The following CSMD1 variants were observed in gnomAD, a reference collection of about 807,000 sequenced individuals.
The protein encoded by CSMD1 is CUB and sushi domain-containing protein 1.
In CSMD1, 213 loss-of-function variants were observed where a neutral mutation model predicts 417.5. The ratio of observed to expected loss-of-function variants is 0.51; its 90% confidence interval spans 0.46 to 0.57. CSMD1 has a LOEUF of 0.57. Among genes scored for constraint, CSMD1 ranks in the 20% least tolerant of loss-of-function variants. CSMD1 has a pLI of 0.00. For missense variants in CSMD1, 6,923 were observed against 4,529.7 expected (o/e 1.53, Z -15.17); for synonymous variants, 2,862 against 1,736.8 (o/e 1.65, Z -16.11).
chr8:4,865,025 T>G (rs1261561933), intron 1 of CSMD1, among the ~76,000 whole-genome samples: 3 of 151,562 alleles, frequency 2.0e-5, no homozygotes, highest in Admixed American at 6.6e-5. Flanking sequence ...AAATTTTATT[T>G]TTGTGTTTGC....
At chr8:4,630,609 A>T (rs1184211644) in intron 2 of CSMD1, among the ~76,000 whole-genome samples, 2 of 152,224 alleles carry the variant, frequency 1.3e-5, no homozygotes, top group Non-Finnish European at 2.9e-5. Flanking sequence ...ATTACATTTT[A>T]TTTCATCATC....
At chr8:4,045,699 G>C (rs1373021380) in intron 3 of CSMD1, among the ~76,000 whole-genome samples, 1 of 152,194 alleles carries the variant, frequency 6.6e-6, no homozygotes, top group East Asian at 1.9e-4. Context: ...AGTCAAAGCA[G>C]TAACCATAAG....
intron 4 of CSMD1, among the ~76,000 whole-genome samples, chr8:4,021,706 C>A (rs1277235610): frequency 1.3e-5 from 2 of 152,100 alleles, no homozygotes; most frequent in Non-Finnish European, 2.9e-5. Context: ...CTATTTTTTT[C>A]TCTATGTATT....
chr8:4,990,835 ACT>A (rs1173088954), intron 1 of CSMD1, among the ~76,000 whole-genome samples: 1 of 151,976 alleles, frequency 6.6e-6, no homozygotes, highest in African/African-American at 2.4e-5. Flanking sequence ...TAATAAGGTA[ACT>A]CATCTAAAAC....
intron 7 of CSMD1, among the ~76,000 whole-genome samples, chr8:3,645,149 T>C (rs1797515289): frequency 6.6e-6 from 1 of 152,054 alleles, no homozygotes; most frequent in Non-Finnish European, 1.5e-5. Flanking sequence ...ATGAGTAACA[T>C]AAGATCAAAT....
Position 3,000,021 on chromosome 8 carries a change from C to G in CSMD1, c.8140G>C (p.Gly2714Arg). Reference protein sequence around the residue: ...YQCNPGFRLVGTSVRICLQDH... With the variant: ...YQCNPGFRLVRTSVRICLQDH... Reference sequence around the variant, plus strand: ...TGCAGGCATATCCTCACGGAAGTTCCCACAAGCCGGAAACCAGGATTGCAC... The same window carrying G: ...TGCAGGCATATCCTCACGGAAGTTCGCACAAGCCGGAAACCAGGATTGCAC... The change falls in exon 53 of 70, where the codon GGA (glycine) becomes CGA (arginine). Residue 2714 changes from glycine (G) to arginine (R), a missense_variant. Transcript: ENST00000635120. 1 of 1,607,442 alleles carries G rather than the reference C, an allele frequency of 6.2e-7. No individual in the cohort carries two copies. The highest frequency in any genetic ancestry group is 8.5e-7 in the Non-Finnish European group (1 of 1,178,756).
chr8:4,034,523 G>C (rs931036778), intron 3 of CSMD1, among the ~76,000 whole-genome samples: 4 of 152,090 alleles, frequency 2.6e-5, no homozygotes, highest in Non-Finnish European at 4.4e-5. Context: ...TACATTAAAA[G>C]TGACATTTAT....
chr8:3,794,638 C>A (rs1799939453), intron 5 of CSMD1, among the ~76,000 whole-genome samples: 1 of 151,884 alleles, frequency 6.6e-6, no homozygotes, highest in South Asian at 2.1e-4. Context: ...TTGCTAAACA[C>A]ATGACTAGAA....
intron 1 of CSMD1, among the ~76,000 whole-genome samples, chr8:4,810,158 A>C (rs542071085): frequency 6.6e-6 from 1 of 152,342 alleles, no homozygotes; most frequent in South Asian, 2.1e-4. Flanking sequence ...TAATTCTAAA[A>C]TATTTTATGT....
intron 3 of CSMD1, among the ~76,000 whole-genome samples, chr8:4,406,286 C>G (rs1423463812): frequency 6.6e-6 from 1 of 152,066 alleles, no homozygotes; most frequent in East Asian, 1.9e-4. Flanking sequence ...GCAATTCAAA[C>G]AAAACAAACC....
At chr8:3,659,482 G>A (rs7838695) in intron 7 of CSMD1, among the ~76,000 whole-genome samples, 5 of 151,950 alleles carry the variant, frequency 3.3e-5, no homozygotes, top group Non-Finnish European at 5.9e-5. Context: ...AAGCAGATGC[G>A]TTTCACTTAG....
chr8:4,629,656 C>T (rs1235382318), intron 2 of CSMD1, among the ~76,000 whole-genome samples: 1 of 152,134 alleles, frequency 6.6e-6, no homozygotes, highest in Non-Finnish European at 1.5e-5. Flanking sequence ...TAGAAAGACA[C>T]TTAGACAATA....
intron 3 of CSMD1, among the ~76,000 whole-genome samples, chr8:4,306,137 T>C (rs1016129279): frequency 6.6e-6 from 1 of 152,208 alleles, no homozygotes; most frequent in Non-Finnish European, 1.5e-5. Context: ...ATAGTCTGTG[T>C]AGATTTTTAG....
At chr8:3,378,441 G>T (rs183733299) in intron 18 of CSMD1, among the ~76,000 whole-genome samples, 1 of 152,084 alleles carries the variant, frequency 6.6e-6, no homozygotes, top group East Asian at 1.9e-4. Flanking sequence ...CAAAGGCACA[G>T]CAAAAAAAGA....
intron 54 of CSMD1, 100 bp from the exon 55 acceptor site, chr8:2,978,900 C>G: frequency 2.0e-6 from 2 of 988,364 alleles, no homozygotes; most frequent in Non-Finnish European, 2.9e-6. Flanking sequence ...TTAGAAAGTT[C>G]AAAAACTGAC....
rs559429689 is a variant in CSMD1, at chr8:3,214,539, C to T, written c.4825G>A (p.Asp1609Asn). ...ACTTGGTCCCAGGAGGGTTTCCCAT[C>T]AGCCCCAATCACACAGGTGATGGAT... Reference protein sequence around the residue: ...PSSITCVIGADGKPSWDQVLP... With the variant: ...PSSITCVIGANGKPSWDQVLP... Residue 1609 changes from aspartate to asparagine, a missense_variant, in exon 30 of 70, where the codon GAT becomes AAT. Transcript: ENST00000635120. The T allele has an allele frequency of 1.9e-5, 30 of 1,600,212 alleles. No homozygotes were observed. The South Asian group carries it at 3.3e-4, about 18-fold the overall frequency.
At chr8:3,385,582 T>A (rs374561187) in intron 18 of CSMD1, among the ~76,000 whole-genome samples, 2 of 152,182 alleles carry the variant, frequency 1.3e-5, no homozygotes, top group African/African-American at 4.8e-5. Context: ...TATCCTGTTC[T>A]TGACTTTCAA....
rs117970239 is a variant in CSMD1 at position 3,134,511 on chromosome 8, C to T, written c.6241+7954G>A. Among the ~76,000 whole-genome samples the T allele has an allele frequency of 2.6e-3, 401 of 152,316 alleles. 2 individuals are homozygous for T. Among genetic ancestry groups the T allele is most frequent in the Admixed American group, 7.2e-3 (110 of 15,304 alleles). Reference sequence around the variant, plus strand: ...GATCTGTCAGGTGTCAGGTCCAAAACGAAAAACTGTGATCGGAGTTTTCCC... The same window carrying T: ...GATCTGTCAGGTGTCAGGTCCAAAATGAAAAACTGTGATCGGAGTTTTCCC... On this transcript the variant is annotated intron_variant, in intron 41 of 69. Coordinates refer to ENST00000635120, the MANE Select transcript of CSMD1 (RefSeq NM_033225.6).
At chr8:4,194,254 A>G (rs1799202533) in intron 3 of CSMD1, among the ~76,000 whole-genome samples, 1 of 152,136 alleles carries the variant, frequency 6.6e-6, no homozygotes, top group South Asian at 2.1e-4. Context: ...CCAAATGAGG[A>G]GTGAATTTAG....
Sources: allele counts gnomAD v4.1 joint callset (sites outside exome capture counted in the v4.1 genomes callset), GRCh38; gene constraint gnomAD v4.1.1; transcripts MANE v1.5; gene names NCBI Gene and HGNC (gene_info 2026-07-23, HGNC 2026-07-21).